The following USF3 variants were observed in gnomAD, a reference collection of about 807,000 sequenced individuals.
The protein encoded by USF3 is upstream transcription factor family member 3, also known as basic helix-loop-helix domain-containing protein USF3.
A neutral mutation model predicts 157.5 loss-of-function variants in USF3; 29 were observed. That is an observed-to-expected ratio of 0.18 (90% CI 0.14 to 0.25). USF3 has a LOEUF of 0.25. Among genes scored for constraint, USF3 ranks in the 10% least tolerant of loss-of-function variants. The probability of loss-of-function intolerance (pLI) is 1.00; values close to 1 mark genes in which losing one functional copy is unlikely to be tolerated. For synonymous variants in USF3, 893 were observed against 941.4 expected (o/e 0.95, Z 0.94); for missense variants, 2,381 against 2,667.6 (o/e 0.89, Z 2.37).
At chr3:113,676,969 T>A (rs1707296446) in intron 2 of USF3, among the ~76,000 whole-genome samples, 1 of 152,208 alleles carries the variant, frequency 6.6e-6, no homozygotes, top group African/African-American at 2.4e-5. Context: ...AAGGATTTAA[T>A]AAATGTTAGC....
In USF3 at chr3:113,664,488, T is replaced by C. The variant is rs148236668; in HGVS notation, c.160-79A>G. ...CCAGATGAAACTTTAAGCTTTGTCT[T>C]TATCACATATATATGATACGTATCT... is the stretch of plus-strand genomic sequence containing the variant. On this transcript the variant is annotated intron_variant, in intron 5 of 6. Transcript: ENST00000316407. 1.1e-3 allele frequency: 779 copies of C among 701,832 alleles called. 7 individuals are homozygous for C. The African/African-American group carries it at 0.012, about 11-fold the overall frequency. The allele number at this position is 701,832 out of a possible 1,614,324, so 43.5% of individuals were successfully genotyped here. A position where few individuals can be genotyped will look rare whatever the true frequency, so the allele number is the denominator to read the frequency against.
intron 1 of USF3, among the ~76,000 whole-genome samples, chr3:113,693,735 A>G (rs531429062): frequency 6.6e-6 from 1 of 152,376 alleles, no homozygotes; most frequent in Non-Finnish European, 1.5e-5. Context: ...ACCATGTAGC[A>G]TAGAAGTTCA....
In USF3 at chr3:113,656,331, G is replaced by C. The variant is rs370810362; in HGVS notation, c.5351C>G (p.Pro1784Arg). The change falls in exon 7 of 7, where the codon CCA (proline) becomes CGA (arginine). Residue 1784 changes from proline (P) to arginine (R), a missense_variant. Physicochemically the swap from Pro to Arg is moderately radical, Grantham distance 103. Coordinates refer to ENST00000316407, the MANE Select transcript of USF3 (RefSeq NM_001009899.4). Reference sequence around the variant, plus strand: ...TAATCTCTTTTGACGGTCAATTGGTGGGGGGCCAGTGTTTTGACTAATTCG... The same window carrying C: ...TAATCTCTTTTGACGGTCAATTGGTCGGGGGCCAGTGTTTTGACTAATTCG... ...AFRISQNTGP[P>R]PIDRQKRLSY... is the part of the protein sequence containing the mutation. 6.2e-7 allele frequency: 1 copy of C among 1,614,118 alleles called. No homozygotes were observed. The highest frequency in any genetic ancestry group is 8.5e-7 in the Non-Finnish European group (1 of 1,179,990).
rs1428158295 is a variant in USF3 at position 113,656,103 on chromosome 3, G to A, written c.5579C>T (p.Pro1860Leu). 9 of 1,614,066 alleles carry A rather than the reference G, an allele frequency of 5.6e-6. No individual in the cohort carries two copies. Among genetic ancestry groups the A allele is most frequent in the Non-Finnish European group, 7.6e-6 (9 of 1,179,962 alleles). Residue 1860 changes from proline to leucine, a missense_variant, in exon 7 of 7, where the codon CCA becomes CTA. Physicochemically the swap from Pro to Leu is moderately conservative, Grantham distance 98. Around this residue, in one of 6 missense-constraint regions of USF3, gnomAD observed 770 missense variants for 824.2 expected, o/e 0.93. Transcript: ENST00000316407. ...PSSAIEYNCP[P>L]THENVHIRRE... ...TCTAATATGGACATTTTCATGAGTT[G>A]GGGGACAATTATATTCAATTGCAGA...
intron 5 of USF3, among the ~76,000 whole-genome samples, chr3:113,665,176 C>T (rs986756765): frequency 5.9e-5 from 9 of 152,104 alleles, no homozygotes; most frequent in African/African-American, 2.2e-4. Context: ...AAAGGGAGTC[C>T]AGACAGCAGG....
At position 113,695,368 on chromosome 3, in the gene USF3, T is replaced by C. The variant is rs578218062; in HGVS notation, c.-135+1002A>G. Among the ~76,000 whole-genome samples, 27 of 152,368 alleles carry C rather than the reference T, an allele frequency of 1.8e-4. No homozygotes were observed. The South Asian group carries it at 2.9e-3, about 16-fold the overall frequency. On this transcript the variant is annotated intron_variant, in intron 1 of 6. Transcript: ENST00000316407. ...AAGGTGAATGGAGAGTAGGACAGCC[T>C]GTTGATCCTTCAAAAGGCAGGTTTG...
rs1010440882 is a variant in USF3, at chr3:113,650,541, A to G, written c.*4403T>C. On this transcript the variant is annotated 3_prime_UTR_variant, in exon 7 of 7. Transcript: ENST00000316407. ...GCATAAGTGCCTACCTATCAAAGGG[A>G]AGATAAAGCTAAGAAGATGCATATT... 20 of 152,200 alleles carry G rather than the reference A, an allele frequency of 1.3e-4. No homozygotes were observed. The highest frequency in any genetic ancestry group is 4.8e-4 in the African/African-American group (20 of 41,454). 9.4% of individuals were successfully genotyped at this position (152,200 alleles called of 1,614,324 possible). A position where few individuals can be genotyped will look rare whatever the true frequency, so the allele number is the denominator to read the frequency against.
Position 113,656,010 on chromosome 3 carries a change from C to T in USF3, c.5672G>A (p.Ser1891Asn). 3.1e-6 allele frequency: 5 copies of T among 1,614,202 alleles called. No individual in the cohort carries two copies. Among genetic ancestry groups the T allele is most frequent in the Non-Finnish European group, 4.2e-6 (5 of 1,180,042 alleles). The part of the protein sequence containing the change: ...MSLGAINTRN[S>N]TLNIPFSSSS... ...ACTTGAAAAAGGAATATTCAAGGTG[C>T]TGTTCCTGGTGTTAATTGCACCTAA... The change falls in exon 7 of 7, where the codon AGC becomes AAC. Residue 1891 changes from serine to asparagine, a missense_variant. Physicochemically the swap from Ser to Asn is conservative, Grantham distance 46. Transcript: ENST00000316407.
intron 5 of USF3, among the ~76,000 whole-genome samples, chr3:113,668,047 C>G (rs1038924838): frequency 6.6e-6 from 1 of 152,124 alleles, no homozygotes; most frequent in Admixed American, 6.6e-5. Flanking sequence ...CCAGCCTCTA[C>G]AGAAGATGGA....
In USF3 at chr3:113,664,304, A is replaced by C. The variant is rs758006799; in HGVS notation, c.256+9T>G. On this transcript the variant is annotated intron_variant, in intron 6 of 6. Transcript: ENST00000316407. ...ATACAACAAAAAGTAAGAACTTTTA[A>C]ATCTTTACCTTGTTCATTGTTTCCT... is the stretch of plus-strand genomic sequence containing the variant. The C allele has an allele frequency of 2.6e-6, 4 of 1,526,396 alleles. No homozygotes were observed. Among genetic ancestry groups the C allele is most frequent in the Non-Finnish European group, 3.6e-6 (4 of 1,115,012 alleles). 94.6% of individuals were successfully genotyped at this position (1,526,396 alleles called of 1,614,324 possible).
At chr3:113,681,291 A>G (rs949355592) in intron 1 of USF3, among the ~76,000 whole-genome samples, 1 of 151,348 alleles carries the variant, frequency 6.6e-6, no homozygotes, top group Non-Finnish European at 1.5e-5. Flanking sequence ...AAGTTTTTCT[A>G]CTTTTTTGAT....
At chr3:113,683,492 T>G (rs1258052950) in intron 1 of USF3, among the ~76,000 whole-genome samples, 5 of 125,446 alleles carry the variant, frequency 4.0e-5, no homozygotes, top group Non-Finnish European at 8.3e-5. Flanking sequence ...TTTTTTGAGA[T>G]GGAGTCTCGC....
chr3:113,680,669 G>A (rs76534378), intron 1 of USF3, among the ~76,000 whole-genome samples: 2,542 of 152,002 alleles, frequency 0.017, 75 homozygotes, highest in African/African-American at 0.057. Context: ...AAAATTCACC[G>A]GGTGTGGTGG....
At chr3:113,696,206 C>T (rs1707795176) in intron 1 of USF3, among the ~76,000 whole-genome samples, 164 bp downstream of exon 1, 1 of 152,026 alleles carries the variant, frequency 6.6e-6, no homozygotes, top group South Asian at 2.1e-4. Flanking sequence ...GTGCCGCACG[C>T]AAGGGTCCCC....
rs777644126 is a variant in USF3, at chr3:113,658,141, G to C, written c.3541C>G (p.Pro1181Ala). The change falls in exon 7 of 7, where the codon CCT becomes GCT. Residue 1181 changes from proline to alanine, a missense_variant. Around this residue, in one of 6 missense-constraint regions of USF3, gnomAD observed 1,435 missense variants for 1,550.9 expected, o/e 0.93. Coordinates refer to ENST00000316407, the MANE Select transcript of USF3 (RefSeq NM_001009899.4). ...EGDPPFKSQI[P>A]KESGTGQAEA... Reference sequence around the variant, plus strand: ...GCCTGTCCTGTGCCACTCTCTTTAGGTATCTGTGATTTGAAGGGTGGGTCT... The same window carrying C: ...GCCTGTCCTGTGCCACTCTCTTTAGCTATCTGTGATTTGAAGGGTGGGTCT... 6.2e-7 allele frequency: 1 copy of C among 1,613,918 alleles called. No homozygotes were observed. The highest frequency in any genetic ancestry group is 1.7e-5 in the Admixed American group (1 of 59,986).
chr3:113,693,827 G>A (rs1306833271), intron 1 of USF3, among the ~76,000 whole-genome samples: 2 of 152,206 alleles, frequency 1.3e-5, no homozygotes, highest in African/African-American at 4.8e-5. Flanking sequence ...ATTGGCGGTA[G>A]GGAGGAATAG....
chr3:113,695,894 G>C (rs1045342395), intron 1 of USF3, among the ~76,000 whole-genome samples: 1 of 152,216 alleles, frequency 6.6e-6, no homozygotes, highest in African/African-American at 2.4e-5. Flanking sequence ...CTTCGACAGA[G>C]GGGTGAGAGG....
At position 113,655,474 on chromosome 3, in the gene USF3, C is replaced by G; in HGVS notation, c.6208G>C (p.Glu2070Gln). The G allele has an allele frequency of 1.9e-6, 3 of 1,613,882 alleles. No individual in the cohort carries two copies. Among genetic ancestry groups the G allele is most frequent in the Non-Finnish European group, 1.7e-6 (2 of 1,179,906 alleles). ...TTTATTGGTGGATTCATGCCACCCT[C>G]AGGAATAAAAGAAAAACCAAAATTT... The part of the protein sequence containing the change: ...SQNFGFSFIP[E>Q]GGMNPPINAN... The change falls in exon 7 of 7, where the codon GAG (glutamate) becomes CAG (glutamine). Residue 2070 changes from glutamate to glutamine, a missense_variant. Glu to Gln is a conservative substitution (Grantham distance 29). Around this residue, in one of 6 missense-constraint regions of USF3, gnomAD observed 770 missense variants for 824.2 expected, o/e 0.93. Transcript: ENST00000316407.
intron 1 of USF3, among the ~76,000 whole-genome samples, chr3:113,684,524 G>A (rs1296384393): frequency 6.6e-6 from 1 of 151,910 alleles, no homozygotes; most frequent in Non-Finnish European, 1.5e-5. Flanking sequence ...TCTAAATCCT[G>A]TGGGCATGCT....
Sources: allele counts gnomAD v4.1 joint callset (sites outside exome capture counted in the v4.1 genomes callset), GRCh38; gene constraint gnomAD v4.1.1; regional missense constraint gnomAD v4.1.1; transcripts MANE v1.5; gene names NCBI Gene and HGNC (gene_info 2026-07-23, HGNC 2026-07-21).